FRMD4B: variants seen among roughly 807,000 people sequenced by gnomAD.
FRMD4B encodes the protein FERM domain containing 4B.
A neutral mutation model predicts 141.5 loss-of-function variants in FRMD4B; 74 were observed. The observed-to-expected ratio is 0.52, with a 90% CI of 0.43 to 0.63. The LOEUF (loss-of-function observed/expected upper bound fraction) is 0.63. FRMD4B is among the 30% of genes least tolerant of loss of function. The pLI is 0.00. For missense variants in FRMD4B, 1,366 were observed against 1,253.4 expected, an observed-to-expected ratio of 1.09 and a Z score of -1.36; for synonymous variants, 506 against 467.9, an observed-to-expected ratio of 1.08 and a Z score of -1.05.
At chr3:69,395,847 T>C (rs1310248224) in intron 2 of FRMD4B, among the ~76,000 whole-genome samples, 1 of 152,202 alleles carries the variant, frequency 6.6e-6, no homozygotes, top group African/African-American at 2.4e-5. Context: ...CTTTAAGCAG[T>C]ATTTGATAGG....
chr3:69,382,135 G>A (rs1345513680), intron 1 of FRMD4B, among the ~76,000 whole-genome samples: 1 of 152,168 alleles, frequency 6.6e-6, no homozygotes, highest in Non-Finnish European at 1.5e-5. Context: ...CATCTCCCAG[G>A]TTTAAGTGAT....
chr3:69,364,115 T>C (rs1703564395), intron 1 of FRMD4B, among the ~76,000 whole-genome samples: 1 of 152,192 alleles, frequency 6.6e-6, no homozygotes, highest in African/African-American at 2.4e-5. Flanking sequence ...AAAGAATGGA[T>C]GTTTAAATCA....
chr3:69,412,840 CTTTTTTTTTTTT>C (rs869150440), intron 2 of FRMD4B, among the ~76,000 whole-genome samples: 5 of 54,242 alleles, frequency 9.2e-5, no homozygotes, highest in Admixed American at 5.1e-4. Context: ...AGAAGCTCCA[CTTTTTTTTTTTT>C]TTTTTTTTTT....
intron 1 of FRMD4B, among the ~76,000 whole-genome samples, chr3:69,494,418 G>A (rs1306691959): frequency 6.6e-6 from 1 of 152,216 alleles, no homozygotes; most frequent in East Asian, 1.9e-4. Flanking sequence ...GCTGGCATCA[G>A]GGATGTCTGC....
chr3:69,415,160 G>A (rs938786621), intron 2 of FRMD4B, among the ~76,000 whole-genome samples: 10 of 152,200 alleles, frequency 6.6e-5, no homozygotes, highest in Admixed American at 6.5e-4. Context: ...GACTGTGCCC[G>A]GCCAGCTTAC....
At chr3:69,357,723 A>G (rs1703363612) in intron 1 of FRMD4B, among the ~76,000 whole-genome samples, 1 of 152,244 alleles carries the variant, frequency 6.6e-6, no homozygotes, top group Admixed American at 6.5e-5. Flanking sequence ...AAATCACAAC[A>G]GAGGCAATGT....
At chr3:69,420,288 A>C (rs1247577556) in intron 2 of FRMD4B, among the ~76,000 whole-genome samples, 5 of 120,514 alleles carry the variant, frequency 4.1e-5, no homozygotes, top group South Asian at 3.0e-4. Context: ...GAAAAGGGAT[A>C]TCAAAAAAAA....
chr3:69,259,561 T>A (rs572460227), intron 5 of FRMD4B, among the ~76,000 whole-genome samples: 1 of 152,214 alleles, frequency 6.6e-6, no homozygotes, highest in Non-Finnish European at 1.5e-5. Flanking sequence ...CATATGTCTG[T>A]TTTTAGATTC....
chr3:69,307,693 C>T lies in FRMD4B; in HGVS notation c.323+3570G>A, dbSNP rs147041654. On this transcript the variant is annotated intron_variant, in intron 3 of 22. Transcript: ENST00000398540. ...TCTTACAGTCTGAACCCCTTACTTA[C>T]GCACTGTCTGGTTTATATTCAACTG... 4.3e-3 allele frequency among the ~76,000 whole-genome samples: 654 copies of T among 152,258 alleles called. 6 individuals carry two copies. Among genetic ancestry groups the T allele is most frequent in the African/African-American group, 0.015 (619 of 41,540 alleles).
At chr3:69,291,737 C>G (rs1356424782) in intron 4 of FRMD4B, among the ~76,000 whole-genome samples, 1 of 152,144 alleles carries the variant, frequency 6.6e-6, no homozygotes, top group East Asian at 1.9e-4. Context: ...TTTCTGCTCC[C>G]TAGATCCCTG....
At chr3:69,503,047 G>A (rs186172078) in intron 1 of FRMD4B, among the ~76,000 whole-genome samples, 29 of 152,314 alleles carry the variant, frequency 1.9e-4, no homozygotes, top group Admixed American at 7.2e-4. Flanking sequence ...AGATGCTGGA[G>A]AGGATATGGA....
At chr3:69,177,690 T>C (rs1054157505) in intron 21 of FRMD4B, among the ~76,000 whole-genome samples, 3 of 152,090 alleles carry the variant, frequency 2.0e-5, no homozygotes, top group African/African-American at 7.2e-5. Context: ...ATTTTTAAAA[T>C]AACTGAAAAG....
At chr3:69,358,576 A>T (rs1703388507) in intron 1 of FRMD4B, among the ~76,000 whole-genome samples, 1 of 152,158 alleles carries the variant, frequency 6.6e-6, no homozygotes, top group Non-Finnish European at 1.5e-5. Flanking sequence ...TCTCTACAAA[A>T]TACACAAAAA....
At chr3:69,344,233 T>C (rs1047493444) in intron 1 of FRMD4B, among the ~76,000 whole-genome samples, 4 of 152,194 alleles carry the variant, frequency 2.6e-5, no homozygotes, top group African/African-American at 4.8e-5. Flanking sequence ...AGTTTGTCCC[T>C]ATCCATATAC....
At chr3:69,342,177 T>C (rs1172579414) in intron 1 of FRMD4B, among the ~76,000 whole-genome samples, 2 of 152,218 alleles carry the variant, frequency 1.3e-5, no homozygotes, top group Admixed American at 6.5e-5. Flanking sequence ...TAGATTTGTA[T>C]TGGGTCCATG....
At chr3:69,377,528 C>T (rs988418015) in intron 1 of FRMD4B, among the ~76,000 whole-genome samples, 1 of 152,202 alleles carries the variant, frequency 6.6e-6, no homozygotes, top group African/African-American at 2.4e-5. Context: ...GTTGCCCAAA[C>T]TTATTTCCCC....
intron 1 of FRMD4B, among the ~76,000 whole-genome samples, chr3:69,496,763 A>G (rs1484536626): frequency 6.6e-6 from 1 of 152,058 alleles, no homozygotes; most frequent in East Asian, 1.9e-4. Context: ...ACTCAAGCCA[A>G]TAAAGTCCAC....
At chr3:69,203,320 C>CAAAAAAAAAAAAAAAAAAAAAAAAAAAA (rs796607832) in intron 11 of FRMD4B, among the ~76,000 whole-genome samples, 2 of 107,898 alleles carry the variant, frequency 1.9e-5, no homozygotes, top group East Asian at 3.4e-4. Flanking sequence ...CAAACTTCAG[C>CAAAAAAAAAAAAAAAAAAAAAAAAAAAA]AAAAAAAAAA....
Position 69,385,948 on chromosome 3 carries a change from G to A in FRMD4B, c.42C>T (p.Phe14=), listed in dbSNP as rs1340124628. 4 of 1,605,328 alleles carry A rather than the reference G, an allele frequency of 2.5e-6. No individual in the cohort carries two copies. In the South Asian group the frequency reaches 4.5e-5, roughly 18 times the overall value. ...AGTTCCATACGAAGCGGCTGCCGCT[G>A]AACAGCAGGTCCTCCACGCCACACA... ...VFMCGVEDLL[F]SGSRFVWNLT... is the part of the protein sequence containing the mutation. Residue 14 remains phenylalanine, a synonymous_variant, in exon 1 of 23, where the codon TTC becomes TTT. Coordinates refer to ENST00000398540, the MANE Select transcript of FRMD4B (RefSeq NM_015123.3).
Sources: gnomAD v4.1 joint callset for allele counts (sites outside exome capture counted in the v4.1 genomes callset) on GRCh38, gnomAD v4.1.1 for gene constraint, MANE v1.5 for transcripts, NCBI Gene and HGNC (gene_info 2026-07-23, HGNC 2026-07-21) for gene names.